Variants in TRIM16 observed in about 807,000 individuals in gnomAD.
The protein encoded by TRIM16 is tripartite motif containing 16.
TRIM16 carries 33 observed loss-of-function variants against 50.4 expected under a neutral mutation model. That is an observed-to-expected ratio of 0.65 (90% CI 0.50 to 0.88). The LOEUF (loss-of-function observed/expected upper bound fraction) is 0.88. TRIM16 is among the 40% of genes least tolerant of loss of function. The probability of loss-of-function intolerance (pLI) is 0.00; values close to 1 mark genes in which losing one functional copy is unlikely to be tolerated. For synonymous variants in TRIM16, 229 were observed against 270.7 expected, an observed-to-expected ratio of 0.85 and a Z score of 1.51; for missense variants, 581 against 686.8, an observed-to-expected ratio of 0.85 and a Z score of 1.72.
At chr17:15,634,481 A>G (rs2150899997) in intron 9 of TRIM16, among the ~76,000 whole-genome samples, 1 of 147,842 alleles carries the variant, frequency 6.8e-6, no homozygotes, top group Middle Eastern at 3.5e-3. Flanking sequence ...AATACAAAAA[A>G]TTAGCCGGGC....
At chr17:15,637,581 A>G (rs1381814309) in intron 8 of TRIM16, among the ~76,000 whole-genome samples, 175 of 65,072 alleles carry the variant, frequency 2.7e-3, no homozygotes, top group Admixed American at 7.2e-3. Flanking sequence ...TGGGGGGGTC[A>G]GCCCCCCGCC....
intron 6 of TRIM16, among the ~76,000 whole-genome samples, chr17:15,657,398 G>A (rs1465030562): frequency 6.6e-6 from 1 of 152,168 alleles, no homozygotes; most frequent in Non-Finnish European, 1.5e-5. Flanking sequence ...TACTGTGCCT[G>A]GCTCATTATA....
intron 6 of TRIM16, chr17:15,658,938 GAA>G: frequency 1.1e-6 from 1 of 915,962 alleles, no homozygotes; most frequent in African/African-American, 1.8e-5. Context: ...ACAAAGGAAC[GAA>G]ATAAAGGTGA....
chr17:15,678,839 A>G (rs890409440), intron 4 of TRIM16, among the ~76,000 whole-genome samples: 2 of 151,860 alleles, frequency 1.3e-5, no homozygotes. Context: ...GCAAGCTTCA[A>G]AGAAAAGAAT....
chr17:15,682,979 T>G, intron 2 of TRIM16, 28 bp from the exon 3 acceptor site: 1 of 1,548,882 alleles, frequency 6.5e-7, no homozygotes, highest in South Asian at 1.2e-5. Flanking sequence ...AATGAGGTTG[T>G]GTGTGCATAC....
rs369983901 is a variant in TRIM16 at position 15,631,626 on chromosome 17, G to A, written c.1104C>T (p.Phe368=). ...GTGCCGTTCACAACTTACATTGGAG[G>A]AACTGTTCCCTGGTGCTGGGCTCAG... ...SKPEPSTREQ[F]LQYAYDITFD... is the part of the protein sequence containing the mutation. Residue 368 remains phenylalanine, a synonymous_variant, in exon 11 of 12, where the codon TTC becomes TTT. Coordinates refer to ENST00000649191, the MANE Select transcript of TRIM16 (RefSeq NM_001348119.1). 5 of 1,613,808 alleles carry A rather than the reference G, an allele frequency of 3.1e-6. No homozygotes were observed. In the African/African-American group the frequency reaches 6.7e-5, roughly 22 times the overall value.
At chr17:15,676,550 C>T (rs558594655) in intron 6 of TRIM16, among the ~76,000 whole-genome samples, 16 of 151,772 alleles carry the variant, frequency 1.1e-4, no homozygotes, top group Non-Finnish European at 2.4e-4. Context: ...ATTCTCCTGC[C>T]TCAACCTCCC....
At chr17:15,644,246 C>T (rs1385209419) in intron 7 of TRIM16, among the ~76,000 whole-genome samples, 6 of 151,916 alleles carry the variant, frequency 3.9e-5, no homozygotes, top group African/African-American at 1.5e-4. Context: ...AGTGCAGTGG[C>T]GCGATCTCGA....
chr17:15,649,511 C>T (rs1987580788), intron 7 of TRIM16, among the ~76,000 whole-genome samples: 2 of 152,170 alleles, frequency 1.3e-5, no homozygotes, highest in Admixed American at 1.3e-4. Flanking sequence ...TGGTCTCGAT[C>T]TCCTGCCCTC....
intron 6 of TRIM16, among the ~76,000 whole-genome samples, chr17:15,669,284 A>G (rs1475905343): frequency 6.6e-6 from 1 of 151,902 alleles, no homozygotes; most frequent in Non-Finnish European, 1.5e-5. Flanking sequence ...AAAAAACTGG[A>G]AAGAACCCAA....
In TRIM16 at chr17:15,629,035, G is replaced by A; in HGVS notation, c.1275C>T (p.Tyr425=). The change falls in exon 12 of 12, where the codon TAC becomes TAT. Residue 425 remains tyrosine, a synonymous_variant. Transcript: ENST00000649191. ...WRQVLSQQSL[Y]LHRYYFEVEI... is the part of the protein sequence containing the mutation. ...CCACCTCAAAATAGTACCTGTGCAG[G>A]TACAGACTCTGCTGGGACAGCACCT... is the stretch of plus-strand genomic sequence containing the variant. 1.2e-6 allele frequency: 2 copies of A among 1,614,102 alleles called. No individual in the cohort carries two copies. The highest frequency in any genetic ancestry group is 1.7e-6 in the Non-Finnish European group (2 of 1,179,978).
chr17:15,633,540 C>CT (rs555202357), intron 9 of TRIM16, among the ~76,000 whole-genome samples: 1,941 of 128,662 alleles, frequency 0.015, 109 homozygotes, highest in African/African-American at 0.045. Context: ...AAATAAATAT[C>CT]TTTTTTTTTT....
chr17:15,650,859 G>A (rs72819876), intron 7 of TRIM16, among the ~76,000 whole-genome samples: 17,178 of 152,128 alleles, frequency 0.11, 1,715 homozygotes, highest in African/African-American at 0.27. Flanking sequence ...GACAGAGATC[G>A]CACAGAGACA....
At position 15,669,684 on chromosome 17, in the gene TRIM16, C is replaced by T. The variant is rs185502285; in HGVS notation, c.-338+7492G>A. ...ATAGATTCGCTATTACAATCAACTG[C>T]TCACGGTGAACTACTGTAGTTTAAC... On this transcript the variant is annotated intron_variant, in intron 6 of 11. Coordinates refer to ENST00000649191, the MANE Select transcript of TRIM16 (RefSeq NM_001348119.1). Among the ~76,000 whole-genome samples, 475 of 152,304 alleles carry T rather than the reference C, an allele frequency of 3.1e-3. 4 individuals are homozygous for T. The highest frequency in any genetic ancestry group is 0.011 in the African/African-American group (438 of 41,568).
chr17:15,636,206 T>A lies in TRIM16; in HGVS notation c.679A>T (p.Arg227Trp), dbSNP rs757220236. Residue 227 changes from arginine to tryptophan, a missense_variant, in exon 9 of 12, where the codon AGG becomes TGG. Physicochemically the swap from Arg to Trp is moderately radical, Grantham distance 101. Transcript: ENST00000649191. ...MQFGELLAAVRKAQANVMLFL... is the reference protein window; with the variant it reads ...MQFGELLAAVWKAQANVMLFL... ...AGCATCACATTGGCCTGGGCCTTCCTCACAGCAGCAAGGAGTTCCCCAAAC... is the reference window on the plus strand; with the variant it reads ...AGCATCACATTGGCCTGGGCCTTCCACACAGCAGCAAGGAGTTCCCCAAAC... The A allele has an allele frequency of 6.2e-6, 10 of 1,609,334 alleles. No individual in the cohort carries two copies. The South Asian group carries it at 1.0e-4, about 16-fold the overall frequency.
chr17:15,633,534 A>G (rs1039783272), intron 9 of TRIM16, among the ~76,000 whole-genome samples: 1 of 146,982 alleles, frequency 6.8e-6, no homozygotes, highest in Non-Finnish European at 1.5e-5. Flanking sequence ...CAAAATAAAT[A>G]AATATCTTTT....
intron 6 of TRIM16, among the ~76,000 whole-genome samples, chr17:15,668,860 C>T (rs1025436018): frequency 1.3e-5 from 2 of 151,934 alleles, no homozygotes; most frequent in African/African-American, 4.8e-5. Flanking sequence ...GCTATGTTAT[C>T]CTTAACTTAT....
chr17:15,629,980 C>T (rs556444653), intron 11 of TRIM16, among the ~76,000 whole-genome samples: 1 of 152,336 alleles, frequency 6.6e-6, no homozygotes, highest in African/African-American at 2.4e-5. Flanking sequence ...TTGTTTCCAG[C>T]TGTAGGCTGA....
chr17:15,678,878 CTTTTT>C (rs55929822), intron 4 of TRIM16, among the ~76,000 whole-genome samples: 1 of 75,352 alleles, frequency 1.3e-5, no homozygotes, highest in Non-Finnish European at 3.4e-5. Context: ...GCAGACTCTC[CTTTTT>C]TTTTTTTTTT....
Sources: gnomAD v4.1 joint callset for allele counts (sites outside exome capture counted in the v4.1 genomes callset) on GRCh38, gnomAD v4.1.1 for gene constraint, MANE v1.5 for transcripts, NCBI Gene and HGNC (gene_info 2026-07-23, HGNC 2026-07-21) for gene names.